The following KDM5A variants were observed in gnomAD, a reference collection of about 807,000 sequenced individuals.
KDM5A encodes lysine demethylase 5A, also known as lysine-specific demethylase 5A.
A neutral mutation model predicts 193.5 loss-of-function variants in KDM5A; 42 were observed. That is an observed-to-expected ratio of 0.22 (90% confidence interval 0.17 to 0.28). The LOEUF (loss-of-function observed/expected upper bound fraction) is 0.28, where lower values mean the gene tolerates loss of function less well. Ranked by LOEUF, KDM5A falls within the 10% of genes least tolerant of loss-of-function variation. KDM5A has a pLI of 1.00. For missense variants in KDM5A, 1,692 were observed against 2,055.1 expected (o/e 0.82, Z 3.42); for synonymous variants, 796 against 718.1 (o/e 1.11, Z -1.73).
Position 282,665 on chromosome 12 carries a change from A to G in KDM5A, c.*2791T>C, listed in dbSNP as rs778492164. On this transcript the variant is annotated 3_prime_UTR_variant, in exon 28 of 28. Transcript: ENST00000399788. ...CTACCATATTTCCATTTTTCTTTCT[A>G]TAACCTTTGCCAGAGTTAAAATACT... The G allele has an allele frequency of 1.7e-5, 4 of 232,906 alleles. No homozygotes were observed. The highest frequency in any genetic ancestry group is 2.5e-5 in the Non-Finnish European group (3 of 117,892). The allele number at this position is 232,906 out of a possible 1,614,324, so 14.4% of individuals were successfully genotyped here.
At chr12:301,719 G>A (rs1029311184) in intron 24 of KDM5A, among the ~76,000 whole-genome samples, 1 of 152,172 alleles carries the variant, frequency 6.6e-6, no homozygotes, top group Admixed American at 6.5e-5. Flanking sequence ...TATTCAAATA[G>A]GAACAGAGGA....
At chr12:330,164 C>A (rs1943848516) in intron 13 of KDM5A, among the ~76,000 whole-genome samples, 1 of 151,322 alleles carries the variant, frequency 6.6e-6, no homozygotes, top group Non-Finnish European at 1.5e-5. Context: ...AATACGTACT[C>A]TTTAAAAATT....
intron 8 of KDM5A, 127 bp from the exon 9 acceptor site, chr12:352,451 A>G: frequency 1.2e-6 from 1 of 813,160 alleles, no homozygotes; most frequent in Non-Finnish European, 2.1e-6. Flanking sequence ...CTAGACAACA[A>G]AACAAATATC....
At chr12:335,468 A>AT (rs1388979588) in intron 10 of KDM5A, among the ~76,000 whole-genome samples, 1 of 152,242 alleles carries the variant, frequency 6.6e-6, no homozygotes, top group African/African-American at 2.4e-5. Context: ...ATGTGCTATC[A>AT]TAACAGATTG....
At chr12:291,606 T>C (rs1943295249) in intron 27 of KDM5A, among the ~76,000 whole-genome samples, 1 of 152,212 alleles carries the variant, frequency 6.6e-6, no homozygotes, top group Admixed American at 6.5e-5. Flanking sequence ...AGTGAGGGCA[T>C]AACCTATAGG....
rs750265688 is a variant in KDM5A, at chr12:323,628, G to A, written c.2122C>T (p.Pro708Ser). The change falls in exon 15 of 28, where the codon CCC becomes TCC. Residue 708 changes from proline to serine, a missense_variant. Physicochemically the swap from Pro to Ser is moderately conservative, Grantham distance 74. Around this residue, in one of 11 missense-constraint regions of KDM5A, gnomAD observed 88 missense variants for 124.6 expected, o/e 0.71. Transcript: ENST00000399788. ...AGACATTTCTTCTGCATGGGGCAGGGGCACAGATCAGTTGGATGGTAGAGA... is the reference window on the plus strand; with the variant it reads ...AGACATTTCTTCTGCATGGGGCAGGAGCACAGATCAGTTGGATGGTAGAGA... ...VCLYHPTDLCPCPMQKKCLRY... is the reference protein window; with the variant it reads ...VCLYHPTDLCSCPMQKKCLRY... The A allele has an allele frequency of 2.5e-6, 4 of 1,614,006 alleles. No individual in the cohort carries two copies. Among genetic ancestry groups the A allele is most frequent in the Admixed American group, 1.7e-5 (1 of 60,004 alleles).
In KDM5A at chr12:318,369, T is replaced by C; in HGVS notation, c.2634A>G (p.Ile878Met). The change falls in exon 19 of 28, where the codon ATA (isoleucine) becomes ATG (methionine). Residue 878 changes from isoleucine to methionine, a missense_variant. Coordinates refer to ENST00000399788, the MANE Select transcript of KDM5A (RefSeq NM_001042603.3). ...CCACATAGAGACTAGAGCCCATATC[T>C]ATCAACATCTGGAGTTTGGAAGAAT... ...TPDSSKLQML[I>M]DMGSSLYVEL... The C allele has an allele frequency of 2.5e-6, 4 of 1,614,172 alleles. No homozygotes were observed. Among genetic ancestry groups the C allele is most frequent in the Non-Finnish European group, 3.4e-6 (4 of 1,179,988 alleles).
chr12:316,430 G>A (rs1406743925), intron 19 of KDM5A, among the ~76,000 whole-genome samples: 2 of 152,058 alleles, frequency 1.3e-5, no homozygotes, highest in African/African-American at 2.4e-5. Flanking sequence ...AAATATCAAG[G>A]TAAAATATAA....
chr12:307,518 C>G lies in KDM5A; in HGVS notation c.3866G>C (p.Arg1289Pro). The G allele has an allele frequency of 6.2e-7, 1 of 1,613,866 alleles. No individual in the cohort carries two copies. The highest frequency in any genetic ancestry group is 8.5e-7 in the Non-Finnish European group (1 of 1,180,018). Residue 1289 changes from arginine to proline, a missense_variant, in exon 23 of 28, where the codon CGA (arginine) becomes CCA (proline). Coordinates refer to ENST00000399788, the MANE Select transcript of KDM5A (RefSeq NM_001042603.3). The surrounding 1 kb of genome is among the most constrained non-coding windows in gnomAD (Gnocchi z 4.3). ...LSQRMVEQAA[R>P]EKTEKIISAE... ...ACTGATGATCTTTTCAGTTTTTTCT[C>G]GAGCCGCCTGTTCCACCATACGCTG...
At chr12:343,735 C>A (rs1270085922) in intron 10 of KDM5A, among the ~76,000 whole-genome samples, 1 of 152,204 alleles carries the variant, frequency 6.6e-6, no homozygotes, top group East Asian at 1.9e-4. Context: ...ACAAAAAGGT[C>A]ATCTATACCA....
intron 5 of KDM5A, among the ~76,000 whole-genome samples, chr12:361,790 C>T (rs900413562): frequency 1.3e-5 from 2 of 152,134 alleles, no homozygotes; most frequent in African/African-American, 4.8e-5. Context: ...TATCACTTTC[C>T]AATGAATTTC....
chr12:369,045 T>C (rs1043616786), intron 3 of KDM5A, among the ~76,000 whole-genome samples: 1 of 152,176 alleles, frequency 6.6e-6, no homozygotes, highest in African/African-American at 2.4e-5. Context: ...ATGGCCGAAG[T>C]ACAATTTTCC....
intron 3 of KDM5A, among the ~76,000 whole-genome samples, chr12:376,021 G>T (rs1393470972): frequency 6.6e-6 from 1 of 152,240 alleles, no homozygotes; most frequent in Non-Finnish European, 1.5e-5. Context: ...AGGCTACTTG[G>T]GGGTCAGGGA....
In KDM5A at chr12:283,662, A is replaced by G. The variant is rs1023054756; in HGVS notation, c.*1794T>C. ...ACAGTTCTTTAAAAGAGACTGGGGC[A>G]AAAAGGGAAGAGGAAACTATAAGCT... is the stretch of plus-strand genomic sequence containing the variant. On this transcript the variant is annotated 3_prime_UTR_variant, in exon 28 of 28. Transcript: ENST00000399788. 28 of 233,270 alleles carry G rather than the reference A, an allele frequency of 1.2e-4. No individual in the cohort carries two copies. Among genetic ancestry groups the G allele is most frequent in the Non-Finnish European group, 7.6e-5 (9 of 117,876 alleles). 14.5% of individuals were successfully genotyped at this position (233,270 alleles called of 1,614,324 possible).
intron 3 of KDM5A, among the ~76,000 whole-genome samples, chr12:373,042 T>C (rs1483111293): frequency 6.6e-6 from 1 of 152,218 alleles, no homozygotes; most frequent in Non-Finnish European, 1.5e-5. Context: ...GGGATATTGG[T>C]CTAAAATTCT....
At chr12:374,718 T>C (rs1435441831) in intron 3 of KDM5A, among the ~76,000 whole-genome samples, 1 of 152,208 alleles carries the variant, frequency 6.6e-6, no homozygotes, top group African/African-American at 2.4e-5. Flanking sequence ...GTACCAGTTG[T>C]TCCTTTACAT....
rs576545244 is a variant in KDM5A, at chr12:330,655, CA to C, written c.1773+1163del. Among the ~76,000 whole-genome samples the C allele has an allele frequency of 3.9e-3, 596 of 152,304 alleles. 5 individuals are homozygous for C. Among genetic ancestry groups the C allele is most frequent in the South Asian group, 0.014 (66 of 4,826 alleles). ...TTAGAAACAGAGCTCAAGCCCAAGG[CA>C]AAATCCTAAGCCTAGTCTTGTTCTT... On this transcript the variant is annotated intron_variant, in intron 13 of 27. Transcript: ENST00000399788.
intron 16 of KDM5A, 148 bp from the exon 17 acceptor site, chr12:322,715 C>T (rs1402281390): frequency 1.4e-6 from 1 of 716,380 alleles, no homozygotes; most frequent in Non-Finnish European, 2.3e-6. Flanking sequence ...GAAAATCTCA[C>T]CAACACAATA....
rs916748372 is a variant in KDM5A at position 284,129 on chromosome 12, A to ATT, written c.*1325_*1326dup. On this transcript the variant is annotated 3_prime_UTR_variant, in exon 28 of 28. Coordinates refer to ENST00000399788, the MANE Select transcript of KDM5A (RefSeq NM_001042603.3). ...CCTTGTACTACAAAGAAGGAATGGG[A>ATT]TTTTTTTTTTTAAAGCAAAAAAGAA... 8 of 212,380 alleles carry ATT rather than the reference A, an allele frequency of 3.8e-5. No homozygotes were observed. The highest frequency in any genetic ancestry group is 1.8e-4 in the African/African-American group (8 of 43,734). The allele number at this position is 212,380 out of a possible 1,614,324, so 13.2% of individuals were successfully genotyped here.
Sources: gnomAD v4.1 joint callset for allele counts (sites outside exome capture counted in the v4.1 genomes callset) on GRCh38, gnomAD v4.1.1 for gene constraint, gnomAD v4.1.1 regional missense constraint, Gnocchi (gnomAD v3.1) non-coding constraint, MANE v1.5 for transcripts, NCBI Gene and HGNC (gene_info 2026-07-23, HGNC 2026-07-21) for gene names.